STXBP4: variants seen among roughly 807,000 people sequenced by gnomAD.
STXBP4 encodes the protein syntaxin-binding protein 4.
A neutral mutation model predicts 76.1 loss-of-function variants in STXBP4; 55 were observed. The ratio of observed to expected loss-of-function variants is 0.72; its 90% confidence interval spans 0.58 to 0.91. The LOEUF (loss-of-function observed/expected upper bound fraction) is 0.91, where lower values mean the gene tolerates loss of function less well. Among genes scored for constraint, STXBP4 ranks in the 40% least tolerant of loss-of-function variants. The probability of loss-of-function intolerance (pLI) is 0.00; values close to 1 mark genes in which losing one functional copy is unlikely to be tolerated. For synonymous variants in STXBP4, 201 were observed against 220.2 expected, an observed-to-expected ratio of 0.91 and a Z score of 0.77; for missense variants, 618 against 636.9, an observed-to-expected ratio of 0.97 and a Z score of 0.32.
chr17:55,150,276 G>T (rs2080200759), intron 17 of STXBP4, among the ~76,000 whole-genome samples: 1 of 152,146 alleles, frequency 6.6e-6, no homozygotes, highest in Non-Finnish European at 1.5e-5. Context: ...ATCAGGGTTG[G>T]TTTCTGGTGA....
chr17:54,970,948 G>A (rs1222963986), intron 1 of STXBP4, among the ~76,000 whole-genome samples: 1 of 150,814 alleles, frequency 6.6e-6, no homozygotes, highest in African/African-American at 2.4e-5. Flanking sequence ...TGAAATGACA[G>A]TTCATGTTTA....
the STXBP4 span, among the ~76,000 whole-genome samples, chr17:55,194,326 A>G: frequency 1.3e-5 from 2 of 152,134 alleles, no homozygotes; most frequent in African/African-American, 4.8e-5. Flanking sequence ...AATAGTAGGC[A>G]TTCTTATTTG....
At chr17:54,980,048 G>C (rs1163121093) in intron 1 of STXBP4, among the ~76,000 whole-genome samples, 1 of 152,114 alleles carries the variant, frequency 6.6e-6, no homozygotes, top group African/African-American at 2.4e-5. Context: ...GTGTTGTTAA[G>C]TAAAATGCAA....
At chr17:54,978,405 A>C (rs1244049891) in intron 1 of STXBP4, among the ~76,000 whole-genome samples, 2 of 152,202 alleles carry the variant, frequency 1.3e-5, no homozygotes. Flanking sequence ...TTTTTAAATT[A>C]TAGCAGAAAA....
chr17:55,170,405 G>A lies in STXBP4; in HGVS notation c.*10494G>A, dbSNP rs769008511. The A allele has an allele frequency of 6.6e-6, 1 of 151,764 alleles. No individual in the cohort carries two copies. The highest frequency in any genetic ancestry group is 2.4e-5 in the African/African-American group (1 of 41,312). 9.4% of individuals were successfully genotyped at this position (151,764 alleles called of 1,614,324 possible). ...ATCTGTATACAATATAAAACCAACA[G>A]TATTGTATATATAAACACCATAGAA... is the stretch of plus-strand genomic sequence containing the variant. On this transcript the variant is annotated 3_prime_UTR_variant, in exon 18 of 18. Coordinates refer to ENST00000376352, the MANE Select transcript of STXBP4 (RefSeq NM_178509.6).
chr17:55,035,358 C>A (rs558565425), intron 10 of STXBP4, among the ~76,000 whole-genome samples: 44 of 151,404 alleles, frequency 2.9e-4, no homozygotes, highest in Admixed American at 9.9e-4. Context: ...TATTTTATAC[C>A]CATAACCATC....
intron 16 of STXBP4, among the ~76,000 whole-genome samples, chr17:55,084,864 T>G (rs2079304017): frequency 6.6e-6 from 1 of 152,104 alleles, no homozygotes; most frequent in African/African-American, 2.4e-5. Flanking sequence ...TACCAGTATA[T>G]AACCAAAGGA....
rs116855734 is a variant in STXBP4, at chr17:55,009,721, T to A, written c.666+2124T>A. The stretch of plus-strand genomic sequence containing the variant: ...AGATAGACTTGTTAATTTTATTTAG[T>A]AGAGCATTCTTTTTTTTCAGTTTGA... On this transcript the variant is annotated intron_variant, in intron 8 of 17. Coordinates refer to ENST00000376352, the MANE Select transcript of STXBP4 (RefSeq NM_178509.6). Among the ~76,000 whole-genome samples the A allele has an allele frequency of 2.0e-3, 303 of 152,234 alleles. 1 individual carries two copies. The highest frequency in any genetic ancestry group is 4.4e-3 in the Admixed American group (68 of 15,292).
chr17:55,205,052 C>T, the STXBP4 span, among the ~76,000 whole-genome samples: 45 of 152,118 alleles, frequency 3.0e-4, no homozygotes, highest in African/African-American at 1.1e-3. Flanking sequence ...TTGCCATGGC[C>T]AGAAGTGAAA....
At chr17:55,174,321 T>C (rs1211822272), downstream of STXBP4, among the ~76,000 whole-genome samples, 1 of 152,186 alleles carries the variant, frequency 6.6e-6, no homozygotes, top group East Asian at 1.9e-4. Context: ...TGTATGAGAG[T>C]TCCAGTTGCT....
intron 1 of STXBP4, among the ~76,000 whole-genome samples, chr17:54,977,181 A>G (rs1274488110): frequency 6.6e-6 from 1 of 152,118 alleles, no homozygotes; most frequent in African/African-American, 2.4e-5. Flanking sequence ...GCATTTCTGA[A>G]CTCGTTAGAT....
intron 16 of STXBP4, among the ~76,000 whole-genome samples, chr17:55,087,478 T>C (rs534063654): frequency 1.7e-4 from 26 of 152,266 alleles, no homozygotes; most frequent in Middle Eastern, 3.4e-3. Flanking sequence ...GGATATCCAG[T>C]TTTTCCAGTA....
the STXBP4 span, among the ~76,000 whole-genome samples, chr17:55,191,701 A>G: frequency 6.6e-6 from 1 of 152,178 alleles, no homozygotes. Context: ...TACAGTGTCA[A>G]GTTGAGGTGT....
intron 16 of STXBP4, among the ~76,000 whole-genome samples, chr17:55,098,003 A>G (rs1280812712): frequency 6.6e-6 from 1 of 152,164 alleles, no homozygotes; most frequent in African/African-American, 2.4e-5. Context: ...TAATATCACC[A>G]TTATCATCAT....
At chr17:55,057,372 C>A (rs917691629) in intron 12 of STXBP4, among the ~76,000 whole-genome samples, 2 of 152,158 alleles carry the variant, frequency 1.3e-5, no homozygotes, top group African/African-American at 4.8e-5. Flanking sequence ...ACTCAATTTA[C>A]GTGCGTATAC....
chr17:55,137,818 A>G (rs758064556), intron 16 of STXBP4, among the ~76,000 whole-genome samples: 6 of 152,112 alleles, frequency 3.9e-5, no homozygotes, highest in Admixed American at 2.0e-4. Context: ...GTTTCTCCTC[A>G]TAAGTGTGTT....
In STXBP4 at chr17:55,128,925, C is replaced by CTT. The variant is rs35073950; in HGVS notation, c.1490-12363_1490-12362dup. Among the ~76,000 whole-genome samples, 554 of 86,212 alleles carry CTT rather than the reference C, an allele frequency of 6.4e-3. 4 individuals are homozygous for CTT. Among genetic ancestry groups the CTT allele is most frequent in the South Asian group, 0.038 (98 of 2,562 alleles). The allele number at this position is 86,212 out of a possible 152,430, so 56.6% of individuals were successfully genotyped here. ...CCACTGCGTCCAGCCTGTAAGGATT[C>CTT]TTTTTTTTTTTTTTTTTTTTTTTGA... On this transcript the variant is annotated intron_variant, in intron 16 of 17. Coordinates refer to ENST00000376352, the MANE Select transcript of STXBP4 (RefSeq NM_178509.6).
intron 16 of STXBP4, among the ~76,000 whole-genome samples, chr17:55,101,561 G>T (rs866717349): frequency 1.1e-4 from 17 of 152,124 alleles, no homozygotes; most frequent in African/African-American, 4.1e-4. Context: ...GATACTCAAT[G>T]ATTAATGAAT....
At chr17:54,992,705 CTTTTTTT>C (rs760386476) in intron 4 of STXBP4, among the ~76,000 whole-genome samples, 6 of 96,836 alleles carry the variant, frequency 6.2e-5, no homozygotes, top group Non-Finnish European at 1.2e-4. Flanking sequence ...AATTTGCTTC[CTTTTTTT>C]TTTTTTTTTT....
Sources: allele counts gnomAD v4.1 joint callset (sites outside exome capture counted in the v4.1 genomes callset), GRCh38; gene constraint gnomAD v4.1.1; transcripts MANE v1.5; gene names NCBI Gene and HGNC (gene_info 2026-07-23, HGNC 2026-07-21).